Variants in ITGA5 observed in about 807,000 individuals in gnomAD.
The protein encoded by ITGA5 is integrin subunit alpha 5.
ITGA5 carries 55 observed loss-of-function variants against 146.3 expected under a neutral mutation model. The ratio of observed to expected loss-of-function variants is 0.38; its 90% CI spans 0.30 to 0.47. The LOEUF is 0.47. Ranked by LOEUF, ITGA5 falls within the 20% of genes least tolerant of loss-of-function variation. The probability of loss-of-function intolerance (pLI) is 0.99; values close to 1 mark genes in which losing one functional copy is unlikely to be tolerated. For missense variants in ITGA5, 1,131 were observed against 1,329.0 expected (o/e 0.85, Z 2.32); for synonymous variants, 500 against 531.8 (o/e 0.94, Z 0.82).
chr12:54,401,084 C>T lies in ITGA5; in HGVS notation c.2494-89G>A. The stretch of plus-strand genomic sequence containing the variant: ...TGGATCACCATGGCTCCACTATACC[C>T]TGCTGTCAGGCTCCTATCTCAGAGA... On this transcript the variant is annotated intron_variant, in intron 24 of 29. Coordinates refer to ENST00000293379, the MANE Select transcript of ITGA5 (RefSeq NM_002205.5). The surrounding 1 kb of genome is among the most constrained non-coding windows in gnomAD (Gnocchi z 5.0). 1 of 1,319,070 alleles carries T rather than the reference C, an allele frequency of 7.6e-7. No homozygotes were observed. Among genetic ancestry groups the T allele is most frequent in the South Asian group, 1.3e-5 (1 of 74,092 alleles). The allele number at this position is 1,319,070 out of a possible 1,614,324, so 81.7% of individuals were successfully genotyped here.
intron 1 of ITGA5, among the ~76,000 whole-genome samples, chr12:54,415,129 C>T (rs2120576689): frequency 6.6e-6 from 1 of 151,944 alleles, no homozygotes; most frequent in East Asian, 1.9e-4. Flanking sequence ...GACTGGGCAA[C>T]AAGAGCGAAA....
At chr12:54,397,863 C>T (rs1299576236) in intron 28 of ITGA5, among the ~76,000 whole-genome samples, 1 of 151,824 alleles carries the variant, frequency 6.6e-6, no homozygotes, top group Non-Finnish European at 1.5e-5. Context: ...CTAAAATGTA[C>T]AATATTGTCT....
At chr12:54,404,959 C>CA in intron 12 of ITGA5, 65 bp from the exon 13 acceptor site, 1 of 1,360,006 alleles carries the variant, frequency 7.4e-7, no homozygotes. Context: ...TCTCTACTAC[C>CA]AGACCCCAGG....
chr12:54,396,435 C>T, intron 29 of ITGA5, 59 bp from the exon 30 acceptor site: 1 of 1,369,282 alleles, frequency 7.3e-7, no homozygotes, highest in Admixed American at 1.7e-5. Context: ...CTCCACAGCT[C>T]TTATTCCAAG....
Position 54,401,996 on chromosome 12 carries a change from CTT to C in ITGA5, c.2226+3_2226+4del. The C allele has an allele frequency of 6.2e-7, 1 of 1,614,108 alleles. No individual in the cohort carries two copies. The highest frequency in any genetic ancestry group is 8.5e-7 in the Non-Finnish European group (1 of 1,179,964). Reference sequence around the variant, plus strand: ...CTGTCCCATCCTCTTTCATCCCAAACTTACACTGGCTCCTGCCTTCATGGGGT... The same window carrying C: ...CTGTCCCATCCTCTTTCATCCCAAACACACTGGCTCCTGCCTTCATGGGGT... On this transcript the variant is annotated splice_donor_region_variant and intron_variant, in intron 21 of 29. Transcript: ENST00000293379. The surrounding 1 kb of genome is among the most constrained non-coding windows in gnomAD (Gnocchi z 5.0).
intron 28 of ITGA5, 44 bp downstream of exon 28, chr12:54,398,553 T>C: frequency 2.8e-6 from 4 of 1,412,220 alleles, no homozygotes; most frequent in Non-Finnish European, 4.0e-6. Context: ...TCCAGCACTC[T>C]GAGCCCTGTA....
chr12:54,400,177 G>C (rs1955769917), intron 25 of ITGA5: 6 of 534,372 alleles, frequency 1.1e-5, no homozygotes, highest in Admixed American at 3.2e-5. Flanking sequence ...AAATAATTAG[G>C]TCTGTGTTCC....
At chr12:54,397,568 C>T (rs914596675) in intron 28 of ITGA5, 81 bp from the exon 29 acceptor site, 3 of 1,545,604 alleles carry the variant, frequency 1.9e-6, no homozygotes, top group Non-Finnish European at 2.7e-6. Flanking sequence ...GTCATTGGAT[C>T]TGCAGAGCCC....
At chr12:54,410,101 C>G (rs562658992) in intron 2 of ITGA5, among the ~76,000 whole-genome samples, 1 of 151,914 alleles carries the variant, frequency 6.6e-6, no homozygotes, top group Non-Finnish European at 1.5e-5. Context: ...ATGACCTGCC[C>G]GCCTCAGCCT....
In ITGA5 at chr12:54,401,415, C is replaced by T; in HGVS notation, c.2451G>A (p.Gln817=). Residue 817 remains glutamine, a synonymous_variant, in exon 24 of 30, where the codon CAG becomes CAA. Coordinates refer to ENST00000293379, the MANE Select transcript of ITGA5 (RefSeq NM_002205.5). This position sits in a 1 kb window ranked among gnomAD's most constrained non-coding sequence, Gnocchi z 5.0. ...VSDWHPRDQP[Q]KEEDLGPAVH... is the part of the protein sequence containing the mutation. ...CAGCAGGTCCCAGGTCCTCCTCCTT[C>T]TGAGGCTGGTCTCGGGGATGCCAGT... The T allele has an allele frequency of 6.2e-7, 1 of 1,614,134 alleles. No homozygotes were observed. The highest frequency in any genetic ancestry group is 8.5e-7 in the Non-Finnish European group (1 of 1,180,000).
At chr12:54,398,815 GTCTCTC>G (rs1159083862) in intron 27 of ITGA5, 117 bp from the exon 28 acceptor site, 25 of 443,370 alleles carry the variant, frequency 5.6e-5, no homozygotes, top group South Asian at 9.0e-5. Flanking sequence ...TTCTTCCTGA[GTCTCTC>G]TCTCTCTCTC....
chr12:54,408,045 G>A (rs1233613570), intron 7 of ITGA5, 65 bp downstream of exon 7: 2 of 1,600,762 alleles, frequency 1.2e-6, no homozygotes, highest in African/African-American at 2.7e-5. Context: ...GAGGCGAGGG[G>A]GTGAGTGGGG....
At position 54,399,654 on chromosome 12, in the gene ITGA5, A is replaced by C; in HGVS notation, c.2832T>G (p.Thr944=). The C allele has an allele frequency of 1.9e-6, 3 of 1,613,586 alleles. No individual in the cohort carries two copies. The African/African-American group carries it at 4.0e-5, about 22-fold the overall frequency. The change falls in exon 27 of 30, where the codon ACT becomes ACG. Residue 944 remains threonine, a synonymous_variant. Transcript: ENST00000293379. Reference sequence around the variant, plus strand: ...GGTAAGGCTCCCTCACCTGCAAGAAAGTCTTGGCCCAGACTCGGAAATGCA... The same window carrying C: ...GGTAAGGCTCCCTCACCTGCAAGAACGTCTTGGCCCAGACTCGGAAATGCA... ...LQLHFRVWAK[T]FLQREHQPFS...
intron 7 of ITGA5, 82 bp from the exon 8 acceptor site, chr12:54,407,958 C>T (rs1955887503): frequency 2.0e-6 from 3 of 1,516,850 alleles, no homozygotes; most frequent in East Asian, 2.3e-5. Context: ...CCCTTCCCCA[C>T]CCCTACTGGG....
Position 54,403,867 on chromosome 12 carries a change from A to G in ITGA5, c.1621+44T>C. On this transcript the variant is annotated intron_variant, in intron 16 of 29. Transcript: ENST00000293379. This position sits in a 1 kb window ranked among gnomAD's most constrained non-coding sequence, Gnocchi z 4.9. ...ATGTCCCCAGGTCCCCAGTCCCTTC[A>G]TTCTCTGTCCTAGGGCCTGAGAGAT... The G allele has an allele frequency of 6.2e-7, 1 of 1,612,424 alleles. No homozygotes were observed. The highest frequency in any genetic ancestry group is 1.7e-4 in the Middle Eastern group (1 of 6,058).
rs71455274 is a variant in ITGA5 at position 54,398,975 on chromosome 12, G to A, written c.2842-277C>T. ...CTGCCTCAGCCTCCCAAGTAGCTGA[G>A]ACTACAGGCATGTGCCATCATGCCC... On this transcript the variant is annotated intron_variant, in intron 27 of 29. Transcript: ENST00000293379. Among the ~76,000 whole-genome samples, 5 of 151,838 alleles carry A rather than the reference G, an allele frequency of 3.3e-5. No homozygotes were observed. The Middle Eastern group carries it at 0.017, about 516-fold the overall frequency.
Position 54,401,680 on chromosome 12 carries a change from C to T in ITGA5, c.2307-15G>A, listed in dbSNP as rs1955785682. On this transcript the variant is annotated splice_polypyrimidine_tract_variant and intron_variant, in intron 22 of 29. Transcript: ENST00000293379. The surrounding 1 kb of genome is among the most constrained non-coding windows in gnomAD (Gnocchi z 5.0). ...TGAGATTCTTGCTGTGGGATGGAGG[C>T]AAGACTGAGGTGCTGGAGTGCAGCC... 1 of 1,613,952 alleles carries T rather than the reference C, an allele frequency of 6.2e-7. No homozygotes were observed. The highest frequency in any genetic ancestry group is 8.5e-7 in the Non-Finnish European group (1 of 1,179,956).
At chr12:54,397,604 C>T in intron 28 of ITGA5, 117 bp from the exon 29 acceptor site, 2 of 1,222,724 alleles carry the variant, frequency 1.6e-6, no homozygotes, top group Non-Finnish European at 2.3e-6. Context: ...CTCTGGGGAA[C>T]AGGGAGGGCC....
chr12:54,408,709 CAAAAAAAAAAAA>C lies in ITGA5; in HGVS notation c.691+35_691+46del. On this transcript the variant is annotated intron_variant, in intron 6 of 29. Transcript: ENST00000293379. ...TGGGTGACAGAGTGAGACTTCGTCT[CAAAAAAAAAAAA>C]AAAAAAAAAAAAGAATGGCAGAGAC... The C allele has an allele frequency of 5.9e-6, 7 of 1,189,968 alleles. No individual in the cohort carries two copies. In the South Asian group the frequency reaches 6.8e-5, roughly 12 times the overall value. 73.7% of individuals were successfully genotyped at this position (1,189,968 alleles called of 1,614,324 possible). A position where few individuals can be genotyped will look rare whatever the true frequency, so the allele number is the denominator to read the frequency against.
Sources: allele counts gnomAD v4.1 joint callset (sites outside exome capture counted in the v4.1 genomes callset), GRCh38; gene constraint gnomAD v4.1.1; non-coding constraint Gnocchi (gnomAD v3.1); transcripts MANE v1.5; gene names NCBI Gene and HGNC (gene_info 2026-07-23, HGNC 2026-07-21).